Variants in NCOA1 observed in about 807,000 individuals in gnomAD.
NCOA1 encodes Hin-2 protein.
In NCOA1, 35 loss-of-function variants were observed where a neutral mutation model predicts 150.9. That is an observed-to-expected ratio of 0.23 (90% CI 0.18 to 0.31). The LOEUF (loss-of-function observed/expected upper bound fraction) is 0.31, where lower values mean the gene tolerates loss of function less well. Among genes scored for constraint, NCOA1 ranks in the 10% least tolerant of loss-of-function variants. The probability of loss-of-function intolerance (pLI) is 1.00; values close to 1 mark genes in which losing one functional copy is unlikely to be tolerated. For synonymous variants in NCOA1, 590 were observed against 630.0 expected (o/e 0.94, Z 0.95); for missense variants, 1,491 against 1,749.3 (o/e 0.85, Z 2.63).
intron 4 of NCOA1, among the ~76,000 whole-genome samples, chr2:24,648,005 G>A (rs1363850824): frequency 6.6e-6 from 1 of 152,158 alleles, no homozygotes; most frequent in African/African-American, 2.4e-5. Context: ...TGGAATTTGA[G>A]TTTCACTTGT....
intron 3 of NCOA1, among the ~76,000 whole-genome samples, chr2:24,635,512 A>G (rs189709756): frequency 3.3e-5 from 5 of 152,340 alleles, no homozygotes; most frequent in African/African-American, 9.6e-5. Flanking sequence ...GAAAACTGTC[A>G]GGTTTTATAA....
intron 3 of NCOA1, among the ~76,000 whole-genome samples, chr2:24,594,826 A>G (rs1431554797): frequency 6.6e-6 from 1 of 152,134 alleles, no homozygotes; most frequent in African/African-American, 2.4e-5. Context: ...ATTATAAATT[A>G]GGATGCGATG....
chr2:24,644,761 T>C (rs1160935723), intron 4 of NCOA1, among the ~76,000 whole-genome samples: 2 of 152,136 alleles, frequency 1.3e-5, no homozygotes, highest in Non-Finnish European at 2.9e-5. Flanking sequence ...AGGAGAAAAT[T>C]TGTTAATTAA....
At chr2:24,546,044 C>T (rs1201870714) in intron 1 of NCOA1, among the ~76,000 whole-genome samples, 1 of 152,134 alleles carries the variant, frequency 6.6e-6, no homozygotes, top group Non-Finnish European at 1.5e-5. Context: ...CTGCTTTGGC[C>T]TCCCAAAGTG....
At chr2:24,552,343 ATATATATATATT>A (rs1558787590) in intron 1 of NCOA1, among the ~76,000 whole-genome samples, 1 of 28,852 alleles carries the variant, frequency 3.5e-5, no homozygotes, top group Non-Finnish European at 6.0e-5. Flanking sequence ...ATATATATAT[ATATATATATATT>A]TTTTTTTTTT....
intron 22 of NCOA1, 36 bp downstream of exon 22, chr2:24,762,812 T>G (rs1252508986): frequency 6.4e-7 from 1 of 1,559,272 alleles, no homozygotes; most frequent in Non-Finnish European, 8.8e-7. Flanking sequence ...AGCTGTCAAA[T>G]GTACTCTAGA....
chr2:24,712,181 A>T (rs1253067839), intron 14 of NCOA1, among the ~76,000 whole-genome samples: 1 of 152,202 alleles, frequency 6.6e-6, no homozygotes, highest in African/African-American at 2.4e-5. Flanking sequence ...ACATTTTTTG[A>T]ACCTTATTCT....
At chr2:24,749,858 T>G (rs1308331832) in intron 19 of NCOA1, among the ~76,000 whole-genome samples, 1 of 152,144 alleles carries the variant, frequency 6.6e-6, no homozygotes, top group East Asian at 1.9e-4. Flanking sequence ...ATTCAGAAAT[T>G]ACACAGGTGA....
intron 4 of NCOA1, among the ~76,000 whole-genome samples, chr2:24,647,648 CAT>C (rs200383449): frequency 4.8e-4 from 72 of 151,024 alleles, no homozygotes; most frequent in African/African-American, 1.4e-3. Flanking sequence ...GCATATAAAA[CAT>C]ATATTACATG....
chr2:24,598,226 G>A (rs1374998981), intron 3 of NCOA1, among the ~76,000 whole-genome samples: 2 of 152,200 alleles, frequency 1.3e-5, no homozygotes, highest in African/African-American at 4.8e-5. Context: ...TAGTTAAATT[G>A]ACACATAAAA....
intron 6 of NCOA1, among the ~76,000 whole-genome samples, chr2:24,667,856 C>T (rs1347978418): frequency 6.6e-6 from 1 of 152,056 alleles, no homozygotes; most frequent in Admixed American, 6.6e-5. Flanking sequence ...TAAAGTTGTT[C>T]CTAACTAACC....
chr2:24,715,500 C>T (rs185112577), intron 14 of NCOA1, among the ~76,000 whole-genome samples: 8 of 152,006 alleles, frequency 5.3e-5, no homozygotes, highest in South Asian at 2.1e-4. Context: ...GTAGAAAATC[C>T]TAAAGAAGTG....
rs569740415 is a variant in NCOA1 at position 24,658,727 on chromosome 2, A to G, written c.50A>G (p.His17Arg). 9 of 1,614,104 alleles carry G rather than the reference A, an allele frequency of 5.6e-6. No homozygotes were observed. Among genetic ancestry groups the G allele is most frequent in the South Asian group, 2.2e-5 (2 of 91,080 alleles). Residue 17 changes from histidine to arginine, a missense_variant, in exon 5 of 23, where the codon CAT (histidine) becomes CGT (arginine). Physicochemically the swap from His to Arg is conservative, Grantham distance 29. Transcript: ENST00000348332. ...TCCGACCCTGCTAACCCAGACTCAC[A>G]TAAGAGGAAAGGATCGCCATGTGAC... is the stretch of plus-strand genomic sequence containing the variant. ...SSSDPANPDS[H>R]KRKGSPCDTL...
At chr2:24,644,210 G>A (rs1443127360) in intron 4 of NCOA1, 88 bp downstream of exon 4, 1 of 152,100 alleles carries the variant, frequency 6.6e-6, no homozygotes, top group Non-Finnish European at 1.5e-5. Context: ...TATCTTTTAT[G>A]GAAATATGTG....
chr2:24,575,661 C>T (rs1249207759), intron 2 of NCOA1, among the ~76,000 whole-genome samples: 1 of 151,494 alleles, frequency 6.6e-6, no homozygotes, highest in Non-Finnish European at 1.5e-5. Flanking sequence ...GCAACCTCCA[C>T]CTCCCGGGTT....
In NCOA1 at chr2:24,706,639, T is replaced by C; in HGVS notation, c.1169T>C (p.Val390Ala). 1.2e-6 allele frequency: 2 copies of C among 1,614,150 alleles called. No individual in the cohort carries two copies. Among genetic ancestry groups the C allele is most frequent in the Non-Finnish European group, 1.7e-6 (2 of 1,180,014 alleles). ...TCAATTCCCCGAGTAAATCCCTCGG[T>C]CAATCCTAGTATCTCTCCAGCTCAT... ...GMSIPRVNPS[V>A]NPSISPAHGV... The change falls in exon 13 of 23, where the codon GTC becomes GCC. Residue 390 changes from valine to alanine, a missense_variant. By Grantham distance (64) the Val-to-Ala change is moderately conservative. Coordinates refer to ENST00000348332, the MANE Select transcript of NCOA1 (RefSeq NM_003743.5).
At chr2:24,712,201 C>T (rs1183087089) in intron 14 of NCOA1, among the ~76,000 whole-genome samples, 1 of 152,196 alleles carries the variant, frequency 6.6e-6, no homozygotes, top group African/African-American at 2.4e-5. Context: ...TCTTTATCTG[C>T]AATATAAGAA....
At chr2:24,547,476 G>C (rs1438083382) in intron 1 of NCOA1, among the ~76,000 whole-genome samples, 2 of 152,134 alleles carry the variant, frequency 1.3e-5, no homozygotes, top group Non-Finnish European at 2.9e-5. Context: ...GAACTGGAGG[G>C]CTTACTGACG....
chr2:24,551,111 A>AAAG (rs1665814470), intron 1 of NCOA1, among the ~76,000 whole-genome samples: 1 of 151,840 alleles, frequency 6.6e-6, no homozygotes, highest in African/African-American at 2.4e-5. Flanking sequence ...AAAAAAAAAA[A>AAAG]AGCTCTGATA....
Sources: allele counts gnomAD v4.1 joint callset (sites outside exome capture counted in the v4.1 genomes callset), GRCh38; gene constraint gnomAD v4.1.1; transcripts MANE v1.5; gene names NCBI Gene and HGNC (gene_info 2026-07-23, HGNC 2026-07-21).